KIT: variants seen among roughly 807,000 people sequenced by gnomAD.
KIT encodes the protein KIT proto-oncogene, receptor tyrosine kinase, also known as mast/stem cell growth factor receptor Kit.
In KIT, 16 loss-of-function variants were observed where a neutral mutation model predicts 105.7. The ratio of observed to expected loss-of-function variants is 0.15; its 90% CI spans 0.10 to 0.23. The LOEUF (loss-of-function observed/expected upper bound fraction) is 0.23. Among genes scored for constraint, KIT ranks in the 10% least tolerant of loss-of-function variants. The probability of loss-of-function intolerance (pLI) is 1.00; values close to 1 mark genes in which losing one functional copy is unlikely to be tolerated. For missense variants in KIT, 858 were observed against 1,213.8 expected, an observed-to-expected ratio of 0.71 and a Z score of 4.36; for synonymous variants, 438 against 441.1, an observed-to-expected ratio of 0.99 and a Z score of 0.09.
At chr4:54,723,364 T>C (rs766604603) in intron 7 of KIT, among the ~76,000 whole-genome samples, 2 of 152,172 alleles carry the variant, frequency 1.3e-5, no homozygotes, top group Non-Finnish European at 2.9e-5. Context: ...CCATCTCCTC[T>C]GGGGCTGGGC....
At chr4:54,730,892 C>T (rs922303351) in intron 14 of KIT, among the ~76,000 whole-genome samples, 2 of 152,034 alleles carry the variant, frequency 1.3e-5, no homozygotes, top group Non-Finnish European at 2.9e-5. Flanking sequence ...TTTAAACCTT[C>T]CTCCATCAGT....
intron 8 of KIT, among the ~76,000 whole-genome samples, chr4:54,725,380 C>T (rs999032001): frequency 1.3e-5 from 2 of 152,290 alleles, no homozygotes; most frequent in Non-Finnish European, 1.5e-5. Flanking sequence ...GCTGAGATTA[C>T]AGGTGTGAGC....
At chr4:54,699,865 C>T (rs984776799) in intron 4 of KIT, 99 bp downstream of exon 4, 20 of 1,308,450 alleles carry the variant, frequency 1.5e-5, no homozygotes, top group East Asian at 1.2e-4. Context: ...TCGACTAGTG[C>T]GTCTGTCAGA....
intron 1 of KIT, among the ~76,000 whole-genome samples, chr4:54,658,599 A>C (rs1279912577): frequency 6.6e-6 from 1 of 151,992 alleles, no homozygotes; most frequent in Non-Finnish European, 1.5e-5. Context: ...CTGCCTTCCA[A>C]CCGCAGGCGC....
chr4:54,699,325 G>C (rs932806709), intron 3 of KIT, among the ~76,000 whole-genome samples: 3 of 152,094 alleles, frequency 2.0e-5, no homozygotes, highest in African/African-American at 7.2e-5. Context: ...AAGGTTGTCT[G>C]AAATAAAGAT....
chr4:54,721,742 C>A (rs1383543814), intron 7 of KIT, among the ~76,000 whole-genome samples: 1 of 152,154 alleles, frequency 6.6e-6, no homozygotes, highest in East Asian at 1.9e-4. Context: ...AAATAAACTT[C>A]CTAAGTTTCT....
At chr4:54,675,620 C>T (rs1718412993) in intron 1 of KIT, among the ~76,000 whole-genome samples, 1 of 152,158 alleles carries the variant, frequency 6.6e-6, no homozygotes, top group Admixed American at 6.5e-5. Flanking sequence ...TGTAGAATGG[C>T]TGCAGAATTA....
intron 1 of KIT, among the ~76,000 whole-genome samples, chr4:54,682,784 C>A (rs1483143398): frequency 6.7e-6 from 1 of 149,890 alleles, no homozygotes; most frequent in Non-Finnish European, 1.5e-5. Context: ...CAGAGTCTCG[C>A]CCCGTCACCC....
At chr4:54,678,499 T>C (rs1718679727) in intron 1 of KIT, among the ~76,000 whole-genome samples, 1 of 151,968 alleles carries the variant, frequency 6.6e-6, no homozygotes, top group Non-Finnish European at 1.5e-5. Flanking sequence ...TATTTGAGTA[T>C]AAAGCATTTA....
chr4:54,698,969 A>C (rs147992489), intron 3 of KIT, among the ~76,000 whole-genome samples: 1 of 152,338 alleles, frequency 6.6e-6, no homozygotes, highest in East Asian at 1.9e-4. Context: ...CCTTCAGCTG[A>C]TCAATTGCAA....
intron 5 of KIT, among the ~76,000 whole-genome samples, chr4:54,704,531 A>G (rs1473147071): frequency 6.6e-6 from 1 of 152,094 alleles, no homozygotes; most frequent in East Asian, 1.9e-4. Flanking sequence ...GGTATGCACA[A>G]TTGGTTCAGC....
At chr4:54,679,142 C>T (rs927106057) in intron 1 of KIT, among the ~76,000 whole-genome samples, 10 of 152,298 alleles carry the variant, frequency 6.6e-5, no homozygotes, top group African/African-American at 2.4e-4. Context: ...TTAAATTAAA[C>T]TCATATTCTG....
At chr4:54,725,292 A>T (rs1246527989) in intron 8 of KIT, among the ~76,000 whole-genome samples, 1 of 152,046 alleles carries the variant, frequency 6.6e-6, no homozygotes, top group African/African-American at 2.4e-5. Context: ...TTTAGTAGAG[A>T]CGAGGTTTCA....
rs1722301014 is a variant in KIT, at chr4:54,727,434, C to A, written c.1666C>A (p.Gln556Lys). 1.2e-6 allele frequency: 2 copies of A among 1,613,976 alleles called. No homozygotes were observed. The highest frequency in any genetic ancestry group is 1.7e-5 in the Admixed American group (1 of 59,990). ...KYLQKPMYEV[Q>K]WKVVEEINGN... ...CCCACAGAAACCCATGTATGAAGTA[C>A]AGTGGAAGGTTGTTGAGGAGATAAA... The change falls in exon 11 of 21, where the codon CAG (glutamine) becomes AAG (lysine). Residue 556 changes from glutamine (Q) to lysine (K), a missense_variant. Gln to Lys is a moderately conservative substitution (Grantham distance 53). Around this residue, in one of 7 missense-constraint regions of KIT, gnomAD observed 78 missense variants for 77.6 expected, o/e 1.01. Coordinates refer to ENST00000288135, the MANE Select transcript of KIT (RefSeq NM_000222.3).
At chr4:54,720,965 A>T (rs1418748937) in intron 7 of KIT, among the ~76,000 whole-genome samples, 1 of 152,210 alleles carries the variant, frequency 6.6e-6, no homozygotes, top group Admixed American at 6.5e-5. Flanking sequence ...GAAAGTCACC[A>T]TTAGGCTGTT....
chr4:54,675,075 T>C (rs1006796283), intron 1 of KIT, among the ~76,000 whole-genome samples: 7 of 152,210 alleles, frequency 4.6e-5, no homozygotes, highest in African/African-American at 1.7e-4. Flanking sequence ...CTGCTAGGGA[T>C]TGACATGATA....
Position 54,698,312 on chromosome 4 carries a change from C to T in KIT, c.366C>T (p.Arg122=). The T allele has an allele frequency of 6.2e-7, 1 of 1,614,006 alleles. No homozygotes were observed. Among genetic ancestry groups the T allele is most frequent in the Non-Finnish European group, 8.5e-7 (1 of 1,179,948 alleles). ...CTGCCAAGCTTTTCCTTGTTGACCG[C>T]TCCTTGTATGGGAAAGAAGACAACG... The part of the protein sequence containing the change: ...RDPAKLFLVD[R]SLYGKEDNDT... Residue 122 remains arginine, a synonymous_variant, in exon 3 of 21, where the codon CGC becomes CGT. Transcript: ENST00000288135.
At position 54,727,330 on chromosome 4, in the gene KIT, C is replaced by A. The variant is rs1321589360; in HGVS notation, c.1647+6C>A. 1.2e-6 allele frequency: 2 copies of A among 1,612,512 alleles called. No individual in the cohort carries two copies. Among genetic ancestry groups the A allele is most frequent in the Admixed American group, 1.7e-5 (1 of 60,014 alleles). ...TGACCTACAAATATTTACAGGTAAC[C>A]ATTTATTTGTTCTCTCTCCAGAGTG... On this transcript the variant is annotated splice_donor_region_variant and intron_variant, in intron 10 of 20. Transcript: ENST00000288135.
intron 6 of KIT, among the ~76,000 whole-genome samples, chr4:54,707,647 G>A (rs1251549210): frequency 6.6e-6 from 1 of 152,194 alleles, no homozygotes; most frequent in Non-Finnish European, 1.5e-5. Flanking sequence ...TCTTAAAGCT[G>A]TAAGAAAACT....
Sources: allele counts gnomAD v4.1 joint callset (sites outside exome capture counted in the v4.1 genomes callset), GRCh38; gene constraint gnomAD v4.1.1; regional missense constraint gnomAD v4.1.1; transcripts MANE v1.5; gene names NCBI Gene and HGNC (gene_info 2026-07-23, HGNC 2026-07-21).